The following TTLL7 variants were observed in gnomAD, a reference collection of about 807,000 sequenced individuals.
TTLL7 encodes the protein tubulin tyrosine ligase like 7.
In TTLL7, 53 loss-of-function variants were observed where a neutral mutation model predicts 120.2. That is an observed-to-expected ratio of 0.44 (90% CI 0.35 to 0.55). The LOEUF (loss-of-function observed/expected upper bound fraction) is 0.55, where lower values mean the gene tolerates loss of function less well. TTLL7 is among the 20% of genes least tolerant of loss of function. The probability of loss-of-function intolerance (pLI) is 0.00; values close to 1 mark genes in which losing one functional copy is unlikely to be tolerated. For synonymous variants in TTLL7, 353 were observed against 351.7 expected (o/e 1.00, Z -0.04); for missense variants, 803 against 1,054.7 (o/e 0.76, Z 3.31).
chr1:83,972,472 G>A (rs984642595), intron 1 of TTLL7, among the ~76,000 whole-genome samples: 4 of 152,016 alleles, frequency 2.6e-5, no homozygotes, highest in African/African-American at 9.7e-5. Context: ...ATATTCCGTT[G>A]TCTGGATATA....
rs514801 is a variant in TTLL7, at chr1:83,969,213, T to G, written c.-176-16826A>C. 9.4e-3 allele frequency among the ~76,000 whole-genome samples: 1,434 copies of G among 151,754 alleles called. 26 individuals are homozygous for G. Among genetic ancestry groups the G allele is most frequent in the African/African-American group, 0.032 (1,333 of 41,440 alleles). On this transcript the variant is annotated intron_variant, in intron 1 of 20. Coordinates refer to ENST00000260505, the MANE Select transcript of TTLL7 (RefSeq NM_024686.6). ...TAGAGTAATTTGGTAAAAAAAAAAATTCAGATTTCCAGAGAGAATACAGGT... is the reference window on the plus strand; with the variant it reads ...TAGAGTAATTTGGTAAAAAAAAAAAGTCAGATTTCCAGAGAGAATACAGGT...
intron 10 of TTLL7, among the ~76,000 whole-genome samples, chr1:83,926,738 G>A (rs1659169439): frequency 6.6e-6 from 1 of 152,090 alleles, no homozygotes; most frequent in African/African-American, 2.4e-5. Context: ...GGGACAGACA[G>A]GCAATTTAAC....
At chr1:83,934,950 G>A (rs1647258922) in intron 8 of TTLL7, among the ~76,000 whole-genome samples, 1 of 152,094 alleles carries the variant, frequency 6.6e-6, no homozygotes, top group Non-Finnish European at 1.5e-5. Context: ...CATTCCTCTA[G>A]AATTCCACCT....
intron 7 of TTLL7, among the ~76,000 whole-genome samples, chr1:83,939,066 T>C (rs1647685222): frequency 6.6e-6 from 1 of 152,204 alleles, no homozygotes; most frequent in African/African-American, 2.4e-5. Context: ...TTTTCATTCA[T>C]TAAACAATAT....
rs569238325 is a variant in TTLL7, at chr1:83,990,076, G to C, written c.-177+8855C>G. Among the ~76,000 whole-genome samples the C allele has an allele frequency of 6.6e-5, 10 of 151,428 alleles. No individual in the cohort carries two copies. In the South Asian group the frequency reaches 2.1e-3, roughly 32 times the overall value. On this transcript the variant is annotated intron_variant, in intron 1 of 20. Coordinates refer to ENST00000260505, the MANE Select transcript of TTLL7 (RefSeq NM_024686.6). The stretch of plus-strand genomic sequence containing the variant: ...GAAACTGTATAACAGCTGTTTATAA[G>C]TTCCAGGGGCTTTTTGGCAGAGTCT...
intron 1 of TTLL7, among the ~76,000 whole-genome samples, chr1:83,955,485 C>G (rs568119853): frequency 1.3e-5 from 2 of 152,156 alleles, no homozygotes; most frequent in Non-Finnish European, 2.9e-5. Context: ...CACAACCTTT[C>G]CATCCCTTCC....
intron 18 of TTLL7, among the ~76,000 whole-genome samples, chr1:83,901,520 G>T (rs1359016623): frequency 1.3e-5 from 2 of 151,760 alleles, no homozygotes; most frequent in Non-Finnish European, 2.9e-5. Context: ...CTCTCTTCTA[G>T]ATTACAAAAA....
intron 6 of TTLL7, among the ~76,000 whole-genome samples, chr1:83,946,829 G>A (rs1648549692): frequency 6.6e-6 from 1 of 151,904 alleles, no homozygotes; most frequent in Non-Finnish European, 1.5e-5. Flanking sequence ...TATTATAAAT[G>A]TGAGTTTTAT....
chr1:83,956,826 T>C (rs1251008493), intron 1 of TTLL7, among the ~76,000 whole-genome samples: 1 of 152,158 alleles, frequency 6.6e-6, no homozygotes, highest in Non-Finnish European at 1.5e-5. Context: ...ATGGAACATA[T>C]CCACTGAGCA....
chr1:83,884,767 A>G (rs903705355), intron 19 of TTLL7, among the ~76,000 whole-genome samples: 3 of 150,290 alleles, frequency 2.0e-5, no homozygotes, highest in African/African-American at 4.9e-5. Flanking sequence ...AGATATACCT[A>G]ATGCTAAATG....
intron 1 of TTLL7, among the ~76,000 whole-genome samples, chr1:83,994,764 A>G (rs1376484096): frequency 6.6e-6 from 1 of 152,210 alleles, no homozygotes; most frequent in Non-Finnish European, 1.5e-5. Context: ...CAGAGGTCCC[A>G]AATTCCTGCT....
intron 1 of TTLL7, among the ~76,000 whole-genome samples, chr1:83,964,247 C>T (rs1398131273): frequency 6.6e-6 from 1 of 152,072 alleles, no homozygotes; most frequent in African/African-American, 2.4e-5. Context: ...CAATCTTTGC[C>T]ATGAAACCAG....
At chr1:83,960,302 A>G (rs1020705391) in intron 1 of TTLL7, among the ~76,000 whole-genome samples, 1 of 152,150 alleles carries the variant, frequency 6.6e-6, no homozygotes, top group Non-Finnish European at 1.5e-5. Flanking sequence ...TTACACTGGC[A>G]GTTATTGTGG....
chr1:83,883,156 C>T lies in TTLL7; in HGVS notation c.2370-20G>A, dbSNP rs1190525878. ...GAGGATCTGTTGGCATGGAAACAGACATGATCTCATGTTGGCTGTTAAAAA... is the reference window on the plus strand; with the variant it reads ...GAGGATCTGTTGGCATGGAAACAGATATGATCTCATGTTGGCTGTTAAAAA... On this transcript the variant is annotated intron_variant, in intron 19 of 20. Coordinates refer to ENST00000260505, the MANE Select transcript of TTLL7 (RefSeq NM_024686.6). 1.3e-6 allele frequency: 2 copies of T among 1,556,222 alleles called. No individual in the cohort carries two copies. Among genetic ancestry groups the T allele is most frequent in the East Asian group, 4.6e-5 (2 of 43,754 alleles).
At chr1:83,927,608 A>C (rs1659242577) in intron 10 of TTLL7, among the ~76,000 whole-genome samples, 1 of 152,184 alleles carries the variant, frequency 6.6e-6, no homozygotes, top group Admixed American at 6.6e-5. Context: ...TTATATTAGA[A>C]GCTTAGGCTA....
chr1:83,882,218 C>T (rs1195319480), intron 20 of TTLL7, among the ~76,000 whole-genome samples: 1 of 149,426 alleles, frequency 6.7e-6, no homozygotes, highest in Non-Finnish European at 1.5e-5. Context: ...TGCACATTTA[C>T]CCTAAAACTT....
At chr1:83,936,547 G>A (rs1647415054) in intron 8 of TTLL7, among the ~76,000 whole-genome samples, 1 of 152,000 alleles carries the variant, frequency 6.6e-6, no homozygotes, top group African/African-American at 2.4e-5. Context: ...AATGGTTTTT[G>A]GAATGTCCAC....
chr1:83,919,284 G>C (rs75388058), intron 13 of TTLL7, among the ~76,000 whole-genome samples: 1,713 of 151,960 alleles, frequency 0.011, 25 homozygotes, highest in Non-Finnish European at 0.015. Context: ...GTGTGTGTGT[G>C]TGTGTGTGTT....
At chr1:83,955,418 T>C (rs769246300) in intron 1 of TTLL7, among the ~76,000 whole-genome samples, 1 of 152,152 alleles carries the variant, frequency 6.6e-6, no homozygotes, top group South Asian at 2.1e-4. Flanking sequence ...TAGAAGGTGA[T>C]TGGGTCCTGA....
Sources: gnomAD v4.1 joint callset for allele counts (sites outside exome capture counted in the v4.1 genomes callset) on GRCh38, gnomAD v4.1.1 for gene constraint, MANE v1.5 for transcripts, NCBI Gene and HGNC (gene_info 2026-07-23, HGNC 2026-07-21) for gene names.